Variants in ATP5ME observed in about 807,000 individuals in gnomAD.
The protein encoded by ATP5ME is ATP synthase F(0) complex subunit e, mitochondrial.
ATP5ME carries 10 observed loss-of-function variants against 11.6 expected under a neutral mutation model. That is an observed-to-expected ratio of 0.86 (90% confidence interval 0.53 to 1.46). The LOEUF is 1.46. Ranked by LOEUF, ATP5ME falls within the 40% of genes most tolerant of loss-of-function variation. The pLI is 0.00. For missense variants in ATP5ME, 115 were observed against 85.4 expected (o/e 1.35, Z -1.37); for synonymous variants, 45 against 33.5 (o/e 1.34, Z -1.19).
At position 673,313 on chromosome 4, in the gene ATP5ME, T is replaced by A; in HGVS notation, c.180A>T (p.Glu60Asp). The A allele has an allele frequency of 6.2e-7, 1 of 1,614,190 alleles. No individual in the cohort carries two copies. The highest frequency in any genetic ancestry group is 8.5e-7 in the Non-Finnish European group (1 of 1,180,012). Residue 60 changes from glutamate (E) to aspartate (D), a missense_variant, in exon 3 of 4, where the codon GAA (glutamate) becomes GAT (aspartate). Physicochemically the swap from Glu to Asp is conservative, Grantham distance 45. Coordinates refer to ENST00000304312, the MANE Select transcript of ATP5ME (RefSeq NM_007100.4). ...CAGTGTCACTCGTACCTTCTGCCAA[T>A]TCTCTGGCAATCCGTTTCAGTTCAT... ...KQDELKRIAR[E>D]LAEDDSILK
In ATP5ME at chr4:673,445, G is replaced by A. The variant is rs562074822; in HGVS notation, c.92-44C>T. Reference sequence around the variant, plus strand: ...GAGAATAAAATTCACTGGAAATGCTGTACAAAAGGAACTGAGTCCACAGGT... The same window carrying A: ...GAGAATAAAATTCACTGGAAATGCTATACAAAAGGAACTGAGTCCACAGGT... On this transcript the variant is annotated intron_variant, in intron 2 of 3. Transcript: ENST00000304312. 70 of 1,613,288 alleles carry A rather than the reference G, an allele frequency of 4.3e-5. 2 individuals are homozygous for A. In the South Asian group the frequency reaches 7.5e-4, roughly 17 times the overall value.
At chr4:673,193 T>C in intron 3 of ATP5ME, 110 bp downstream of exon 3, 1 of 1,540,530 alleles carries the variant, frequency 6.5e-7, no homozygotes. Context: ...AGCTTCCCCA[T>C]TTTTAAACAA....
In ATP5ME at chr4:673,313, T is replaced by C; in HGVS notation, c.180A>G (p.Glu60=). Residue 60 remains glutamate, a synonymous_variant, in exon 3 of 4, where the codon GAA becomes GAG. Transcript: ENST00000304312. ...CAGTGTCACTCGTACCTTCTGCCAA[T>C]TCTCTGGCAATCCGTTTCAGTTCAT... ...KQDELKRIAR[E]LAEDDSILK 6.2e-7 allele frequency: 1 copy of C among 1,614,190 alleles called. No homozygotes were observed. Among genetic ancestry groups the C allele is most frequent in the Non-Finnish European group, 8.5e-7 (1 of 1,180,012 alleles).
chr4:674,015 G>A (rs964869307), intron 1 of ATP5ME, 49 bp from the exon 2 acceptor site: 87 of 1,534,120 alleles, frequency 5.7e-5, no homozygotes, highest in Non-Finnish European at 7.3e-5. Flanking sequence ...CTCGCGGGAC[G>A]GGGGTCGCGG....
intron 3 of ATP5ME, 127 bp from the exon 4 acceptor site, chr4:672,646 C>A: frequency 1.9e-6 from 2 of 1,051,098 alleles, no homozygotes; most frequent in Non-Finnish European, 2.7e-6. Flanking sequence ...CTCTGTCACC[C>A]AATGGCGCAA....
intron 2 of ATP5ME, chr4:673,710 T>C (rs893665971): frequency 3.7e-5 from 32 of 861,606 alleles, no homozygotes; most frequent in Non-Finnish European, 5.2e-5. Flanking sequence ...GCAGCCGTTT[T>C]CGAGTCCCCC....
chr4:672,663 C>G (rs1204994259), intron 3 of ATP5ME, 144 bp from the exon 4 acceptor site: 1 of 881,928 alleles, frequency 1.1e-6, no homozygotes, highest in Non-Finnish European at 1.7e-6. Context: ...GCAATCTCAG[C>G]TCACTGCAAC....
intron 3 of ATP5ME, 131 bp downstream of exon 3, chr4:673,172 C>G: frequency 1.4e-6 from 2 of 1,440,806 alleles, no homozygotes; most frequent in East Asian, 2.5e-5. Flanking sequence ...CATGAGCCAC[C>G]ACGCCTGGCC....
chr4:674,114 G>A lies in ATP5ME; in HGVS notation c.36+98C>T, dbSNP rs1356381788. 22 of 1,473,304 alleles carry A rather than the reference G, an allele frequency of 1.5e-5. No homozygotes were observed. The African/African-American group carries it at 1.7e-4, about 11-fold the overall frequency. 91.3% of individuals were successfully genotyped at this position (1,473,304 alleles called of 1,614,324 possible). A position where few individuals can be genotyped will look rare whatever the true frequency, so the allele number is the denominator to read the frequency against. On this transcript the variant is annotated intron_variant, in intron 1 of 3. Coordinates refer to ENST00000304312, the MANE Select transcript of ATP5ME (RefSeq NM_007100.4). ...GAGGGTCACGGGGCGAGGATCATGG[G>A]GGCGGGGGCCGGGGGTCGCAGCCCG...
At chr4:674,191 C>T (rs1305371077) in intron 1 of ATP5ME, 21 bp downstream of exon 1, 2 of 1,609,858 alleles carry the variant, frequency 1.2e-6, no homozygotes, top group African/African-American at 1.3e-5. Context: ...CACTGGGCGG[C>T]GGCTGCAAAG....
At chr4:673,768 G>A in intron 2 of ATP5ME, 144 bp downstream of exon 2, 1 of 1,197,162 alleles carries the variant, frequency 8.4e-7, no homozygotes, top group Non-Finnish European at 1.2e-6. Flanking sequence ...TTCCACTATC[G>A]GGGTCACGCT....
intron 3 of ATP5ME, among the ~76,000 whole-genome samples, chr4:672,799 G>T (rs555515599): frequency 6.6e-6 from 1 of 152,148 alleles, no homozygotes; most frequent in East Asian, 1.9e-4. Context: ...TCAGGCTGGA[G>T]TGCAGTGGCG....
chr4:674,084 C>CGGGCGAGGGTCACG, intron 1 of ATP5ME, 118 bp from the exon 2 acceptor site: 1 of 614,216 alleles, frequency 1.6e-6, no homozygotes, highest in Non-Finnish European at 2.2e-6. Flanking sequence ...GTCCGGTCGC[C>CGGGCGAGGGTCACG]GGGCGAGGGT....
At chr4:673,812 G>A (rs1330683493) in intron 2 of ATP5ME, 100 bp downstream of exon 2, 6 of 1,453,788 alleles carry the variant, frequency 4.1e-6, no homozygotes, top group Non-Finnish European at 5.6e-6. Flanking sequence ...CCTCGCATGC[G>A]TCCCAAGCCC....
At chr4:673,208 C>T in intron 3 of ATP5ME, 95 bp downstream of exon 3, 6 of 1,580,984 alleles carry the variant, frequency 3.8e-6, no homozygotes, top group Middle Eastern at 1.7e-4. Context: ...AAACAATCCG[C>T]ATCTACTTAG....
intron 2 of ATP5ME, 139 bp downstream of exon 2, chr4:673,773 C>T (rs959026596): frequency 8.9e-6 from 11 of 1,242,184 alleles, no homozygotes; most frequent in Non-Finnish European, 1.0e-5. Flanking sequence ...CTATCGGGGT[C>T]ACGCTCGGTG....
chr4:673,267 G>A (rs1206838152), intron 3 of ATP5ME, 36 bp downstream of exon 3: 3 of 1,614,010 alleles, frequency 1.9e-6, no homozygotes, highest in Non-Finnish European at 2.5e-6. Context: ...CACAAACCTG[G>A]GAGGGACAAT....
At chr4:673,422 G>A (rs1354295593) in intron 2 of ATP5ME, 21 bp from the exon 3 acceptor site, 4 of 1,613,932 alleles carry the variant, frequency 2.5e-6, no homozygotes, top group South Asian at 1.1e-5. Flanking sequence ...GAATGCAGGA[G>A]AATAAAATTC....
Position 673,357 on chromosome 4 carries a change from C to G in ATP5ME, c.136G>C (p.Glu46Gln). The change falls in exon 3 of 4, where the codon GAA becomes CAA. Residue 46 changes from glutamate to glutamine, a missense_variant. Transcript: ENST00000304312. ...RAEEERRIAA[E>Q]EKKKQDELKR... ...AGTTCATCCTGCTTCTTCTTCTCTT[C>G]TGCTGCTATCCTCCTCTCCTCTTCT... is the stretch of plus-strand genomic sequence containing the variant. 6.2e-7 allele frequency: 1 copy of G among 1,614,208 alleles called. No individual in the cohort carries two copies. The highest frequency in any genetic ancestry group is 1.1e-5 in the South Asian group (1 of 91,076).
Sources: allele counts gnomAD v4.1 joint callset (sites outside exome capture counted in the v4.1 genomes callset), GRCh38; gene constraint gnomAD v4.1.1; transcripts MANE v1.5; gene names NCBI Gene and HGNC (gene_info 2026-07-23, HGNC 2026-07-21).